EPHA3: variants seen among roughly 807,000 people sequenced by gnomAD.
EPHA3 encodes the protein ephrin type-A receptor 3.
EPHA3 carries 42 observed loss-of-function variants against 107.1 expected under a neutral mutation model. The ratio of observed to expected loss-of-function variants is 0.39; its 90% CI spans 0.31 to 0.51. The LOEUF is 0.51. EPHA3 is among the 20% of genes least tolerant of loss of function. The probability of loss-of-function intolerance (pLI) is 0.78; values close to 1 mark genes in which losing one functional copy is unlikely to be tolerated. For missense variants in EPHA3, 1,183 were observed against 1,211.2 expected (o/e 0.98, Z 0.35); for synonymous variants, 461 against 424.8 (o/e 1.09, Z -1.05).
In EPHA3 at chr3:89,364,161, G is replaced by A. The variant is rs544400708; in HGVS notation, c.1306+22071G>A. ...CTTCACTACACTGTTTCCCTTTACC[G>A]ACCTTTGAGAGTCATCCCTATTTTC... On this transcript the variant is annotated intron_variant, in intron 5 of 16. Coordinates refer to ENST00000336596, the MANE Select transcript of EPHA3 (RefSeq NM_005233.6). Among the ~76,000 whole-genome samples, 17 of 150,700 alleles carry A rather than the reference G, an allele frequency of 1.1e-4. 1 individual carries two copies. Among genetic ancestry groups the A allele is most frequent in the Admixed American group, 3.3e-4 (5 of 15,014 alleles).
chr3:89,351,677 A>G (rs2107442982), intron 5 of EPHA3, among the ~76,000 whole-genome samples: 1 of 151,400 alleles, frequency 6.6e-6, no homozygotes, highest in East Asian at 1.9e-4. Context: ...TTTCTTAAAA[A>G]CAATAATGCT....
intron 3 of EPHA3, among the ~76,000 whole-genome samples, chr3:89,249,857 C>T (rs191230460): frequency 8.5e-5 from 13 of 152,254 alleles, no homozygotes; most frequent in Admixed American, 6.5e-4. Context: ...GTTTCCTGGC[C>T]AACATGTTGC....
At chr3:89,353,525 G>T (rs1329160550) in intron 5 of EPHA3, among the ~76,000 whole-genome samples, 1 of 151,180 alleles carries the variant, frequency 6.6e-6, no homozygotes, top group Non-Finnish European at 1.5e-5. Flanking sequence ...TATACATTAT[G>T]ATTTTCACAG....
chr3:89,151,695 TA>T (rs1704693730), intron 2 of EPHA3, among the ~76,000 whole-genome samples: 1 of 152,096 alleles, frequency 6.6e-6, no homozygotes, highest in African/African-American at 2.4e-5. Flanking sequence ...ATACAAACAA[TA>T]TATTATTTTA....
At chr3:89,406,561 T>A (rs553191771) in intron 7 of EPHA3, among the ~76,000 whole-genome samples, 2 of 152,314 alleles carry the variant, frequency 1.3e-5, no homozygotes, top group South Asian at 4.1e-4. Context: ...TAAAATTGTA[T>A]TTATAGACAG....
chr3:89,391,424 T>TCTTTTCTTG (rs1419505410), intron 5 of EPHA3, among the ~76,000 whole-genome samples: 2 of 140,048 alleles, frequency 1.4e-5, no homozygotes, highest in African/African-American at 5.5e-5. Context: ...TTCTTTTCTT[T>TCTTTTCTTG]TTTTTTTTTT....
intron 5 of EPHA3, among the ~76,000 whole-genome samples, chr3:89,346,537 G>C (rs1576325261): frequency 6.7e-6 from 1 of 148,410 alleles, no homozygotes; most frequent in East Asian, 2.0e-4. Context: ...CAGATGAGTA[G>C]GTTGCGAAAA....
chr3:89,470,981 A>G (rs1414679977), intron 15 of EPHA3, among the ~76,000 whole-genome samples: 3 of 152,218 alleles, frequency 2.0e-5, no homozygotes, highest in East Asian at 1.9e-4. Context: ...TTGATATAAT[A>G]TGAAAACAAG....
At chr3:89,291,104 G>A (rs73846128) in intron 3 of EPHA3, among the ~76,000 whole-genome samples, 35,941 of 151,884 alleles carry the variant, frequency 0.24, 4,755 homozygotes, top group African/African-American at 0.37. Flanking sequence ...ATTAATGAAT[G>A]AATGCAGAAA....
At chr3:89,240,519 G>A (rs572951288) in intron 3 of EPHA3, among the ~76,000 whole-genome samples, 2 of 152,010 alleles carry the variant, frequency 1.3e-5, no homozygotes, top group South Asian at 4.1e-4. Context: ...TTTTATGATA[G>A]TCAAATATTT....
intron 3 of EPHA3, among the ~76,000 whole-genome samples, chr3:89,249,787 C>T (rs1376612987): frequency 6.6e-6 from 1 of 152,090 alleles, no homozygotes; most frequent in Non-Finnish European, 1.5e-5. Flanking sequence ...TAAGTTTTTG[C>T]TGTTTCTATA....
intron 7 of EPHA3, among the ~76,000 whole-genome samples, chr3:89,405,375 A>G (rs1439938817): frequency 2.0e-5 from 3 of 152,196 alleles, no homozygotes; most frequent in Non-Finnish European, 4.4e-5. Flanking sequence ...AAGGTGCTGC[A>G]GCTGGAGGCT....
Position 89,437,982 on chromosome 3 carries a change from TG to T in EPHA3, c.2346+6624del, listed in dbSNP as rs201896273. Among the ~76,000 whole-genome samples the T allele has an allele frequency of 7.3e-3, 1,115 of 152,332 alleles. 18 individuals are homozygous for T. Among genetic ancestry groups the T allele is most frequent in the African/African-American group, 0.025 (1,034 of 41,582 alleles). On this transcript the variant is annotated intron_variant, in intron 13 of 16. Coordinates refer to ENST00000336596, the MANE Select transcript of EPHA3 (RefSeq NM_005233.6). ...TACTTAGTAAGTACTAACTAGATTT[TG>T]TTACAACATTTTATTTTACATAATA...
At chr3:89,163,615 A>C (rs1704996549) in intron 2 of EPHA3, among the ~76,000 whole-genome samples, 1 of 152,176 alleles carries the variant, frequency 6.6e-6, no homozygotes, top group Non-Finnish European at 1.5e-5. Flanking sequence ...AAACTTTGTA[A>C]ATAAACTAAA....
intron 5 of EPHA3, among the ~76,000 whole-genome samples, chr3:89,375,172 C>T (rs76614819): frequency 0.015 from 2,323 of 151,806 alleles, 44 homozygotes; most frequent in African/African-American, 0.053. Flanking sequence ...TACCCAGTGA[C>T]ACACAATGAG....
At chr3:89,350,349 C>T (rs369900831) in intron 5 of EPHA3, among the ~76,000 whole-genome samples, 5 of 151,344 alleles carry the variant, frequency 3.3e-5, no homozygotes, top group African/African-American at 7.2e-5. Context: ...CTTCCCTTCT[C>T]ACTTCATTTC....
intron 3 of EPHA3, among the ~76,000 whole-genome samples, chr3:89,211,257 T>G (rs1445522235): frequency 6.6e-6 from 1 of 152,076 alleles, no homozygotes; most frequent in African/African-American, 2.4e-5. Context: ...GCTTTATATT[T>G]TAAGTGGAAT....
At chr3:89,141,689 G>A (rs1330471332) in intron 2 of EPHA3, among the ~76,000 whole-genome samples, 1 of 151,372 alleles carries the variant, frequency 6.6e-6, no homozygotes, top group Non-Finnish European at 1.5e-5. Flanking sequence ...AAGTTTAAAG[G>A]ACAGAACTTC....
intron 15 of EPHA3, among the ~76,000 whole-genome samples, chr3:89,453,358 G>C (rs1447785522): frequency 1.3e-5 from 2 of 152,124 alleles, no homozygotes; most frequent in African/African-American, 2.4e-5. Flanking sequence ...GTGAGGCTAT[G>C]TCCTAGCATC....
Sources: gnomAD v4.1 joint callset for allele counts (sites outside exome capture counted in the v4.1 genomes callset) on GRCh38, gnomAD v4.1.1 for gene constraint, MANE v1.5 for transcripts, NCBI Gene and HGNC (gene_info 2026-07-23, HGNC 2026-07-21) for gene names.